Variants in ITM2B observed in about 807,000 individuals in gnomAD.
ITM2B encodes the protein integral membrane protein 2B.
A neutral mutation model predicts 27.8 loss-of-function variants in ITM2B; 11 were observed. The ratio of observed to expected loss-of-function variants is 0.40; its 90% CI spans 0.25 to 0.66. The LOEUF (loss-of-function observed/expected upper bound fraction) is 0.66, where lower values mean the gene tolerates loss of function less well. ITM2B is among the 30% of genes least tolerant of loss of function. The pLI is 0.43. For missense variants in ITM2B, 296 were observed against 328.9 expected (o/e 0.90, Z 0.77); for synonymous variants, 114 against 114.3 (o/e 1.00, Z 0.02).
At chr13:48,238,603 A>G (rs1593387942) in intron 1 of ITM2B, among the ~76,000 whole-genome samples, 1 of 152,224 alleles carries the variant, frequency 6.6e-6, no homozygotes, top group East Asian at 1.9e-4. Flanking sequence ...CAAAAGAGAA[A>G]TAAAATTTTC....
chr13:48,257,687 C>T (rs1484449187), intron 3 of ITM2B, among the ~76,000 whole-genome samples: 1 of 152,178 alleles, frequency 6.6e-6, no homozygotes, highest in African/African-American at 2.4e-5. Context: ...CAGCGTTTCT[C>T]ATTTGAACCA....
chr13:48,243,747 G>C (rs1951711660), intron 1 of ITM2B, among the ~76,000 whole-genome samples: 1 of 152,018 alleles, frequency 6.6e-6, no homozygotes, highest in South Asian at 2.1e-4. Context: ...AGCCCAGGAG[G>C]TTGAGGCTGC....
intron 1 of ITM2B, among the ~76,000 whole-genome samples, chr13:48,243,174 CT>C (rs1346540470): frequency 2.0e-5 from 3 of 152,210 alleles, no homozygotes; most frequent in African/African-American, 7.2e-5. Context: ...CCAAGATTGT[CT>C]CCTTCATGAG....
At chr13:48,250,518 A>T (rs1432903913) in intron 1 of ITM2B, among the ~76,000 whole-genome samples, 5 of 152,062 alleles carry the variant, frequency 3.3e-5, no homozygotes, top group East Asian at 1.9e-4. Flanking sequence ...CTCGGGAGAC[A>T]GAGGCAGAAG....
chr13:48,254,049 C>T, intron 2 of ITM2B, 113 bp downstream of exon 2: 1 of 1,016,248 alleles, frequency 9.8e-7, no homozygotes, highest in Non-Finnish European at 1.5e-6. Flanking sequence ...TATCTGTGAC[C>T]TTCAGCCAGA....
Position 48,239,639 on chromosome 13 carries a change from A to G in ITM2B, c.117+6162A>G, listed in dbSNP as rs1383382063. Among the ~76,000 whole-genome samples the G allele has an allele frequency of 3.9e-5, 6 of 152,350 alleles. No homozygotes were observed. The South Asian group carries it at 1.2e-3, about 32-fold the overall frequency. Reference sequence around the variant, plus strand: ...ACAGCAAGACTCTGTCTCAAAAAACAAAAGAATATTCTTGGTTTTCATTTT... The same window carrying G: ...ACAGCAAGACTCTGTCTCAAAAAACGAAAGAATATTCTTGGTTTTCATTTT... On this transcript the variant is annotated intron_variant, in intron 1 of 5. Coordinates refer to ENST00000647800, the MANE Select transcript of ITM2B (RefSeq NM_021999.5).
At chr13:48,258,585 A>C (rs974689755) in intron 4 of ITM2B, among the ~76,000 whole-genome samples, 5 of 152,202 alleles carry the variant, frequency 3.3e-5, no homozygotes, top group African/African-American at 1.2e-4. Context: ...CTGTAATCCC[A>C]GGACTTTGGG....
chr13:48,251,636 T>C (rs1476133201), intron 1 of ITM2B, among the ~76,000 whole-genome samples: 1 of 152,224 alleles, frequency 6.6e-6, no homozygotes, highest in East Asian at 1.9e-4. Context: ...TGTCTGCCTG[T>C]GCTGTTTGGC....
Position 48,258,919 on chromosome 13 carries a change from C to G in ITM2B, c.687C>G (p.Tyr229Ter). 6.2e-7 allele frequency: 1 copy of G among 1,613,376 alleles called. No individual in the cohort carries two copies. Among genetic ancestry groups the G allele is most frequent in the Non-Finnish European group, 8.5e-7 (1 of 1,179,428 alleles). ...GACTGTGTCATGACAAGGAAACTTA[C>G]AAACTGCAACGCAGAGAAACTATTA... ...IYRLCHDKET[Y>*]KLQRRETIKG... The change falls in exon 5 of 6, where the codon TAC becomes TAG. Residue 229 changes from tyrosine to a stop codon, truncating the protein, a stop_gained. Transcript: ENST00000647800. LOFTEE classifies it high-confidence loss of function.
At chr13:48,252,801 T>TATACTATG (rs1253657150) in intron 1 of ITM2B, among the ~76,000 whole-genome samples, 1 of 152,230 alleles carries the variant, frequency 6.6e-6, no homozygotes, top group African/African-American at 2.4e-5. Context: ...GCTGTTCATG[T>TATACTATG]ATACTATGAA....
intron 1 of ITM2B, among the ~76,000 whole-genome samples, chr13:48,236,351 G>C (rs7999108): frequency 5.3e-5 from 8 of 152,154 alleles, no homozygotes; most frequent in African/African-American, 1.9e-4. Context: ...TATATTTGCA[G>C]ATAACAAAAT....
chr13:48,251,794 AAATT>A (rs566060921), intron 1 of ITM2B, among the ~76,000 whole-genome samples: 243 of 152,192 alleles, frequency 1.6e-3, no homozygotes, highest in African/African-American at 5.5e-3. Context: ...TTCCACTCTA[AAATT>A]AATTATGTTA....
At chr13:48,257,479 C>T (rs1951796671) in intron 3 of ITM2B, among the ~76,000 whole-genome samples, 1 of 152,180 alleles carries the variant, frequency 6.6e-6, no homozygotes, top group Non-Finnish European at 1.5e-5. Flanking sequence ...GCTTTGCAAA[C>T]ATTTCGTGCC....
intron 4 of ITM2B, 33 bp from the exon 5 acceptor site, chr13:48,258,764 A>C: frequency 6.2e-7 from 1 of 1,604,424 alleles, no homozygotes; most frequent in Non-Finnish European, 8.5e-7. Context: ...ATGTTCTGAG[A>C]TAGTCATGTC....
intron 3 of ITM2B, among the ~76,000 whole-genome samples, chr13:48,257,477 A>G (rs193031761): frequency 1.4e-4 from 21 of 152,344 alleles, no homozygotes; most frequent in Admixed American, 5.2e-4. Context: ...TAGCTTTGCA[A>G]ACATTTCGTG....
chr13:48,233,498 A>T, intron 1 of ITM2B, 21 bp downstream of exon 1: 1 of 1,478,054 alleles, frequency 6.8e-7, no homozygotes, highest in South Asian at 1.3e-5. Context: ...GGGGAGGTCG[A>T]GGAAGCGGGT....
intron 1 of ITM2B, among the ~76,000 whole-genome samples, chr13:48,250,229 A>G (rs1188012490): frequency 6.6e-6 from 1 of 152,176 alleles, no homozygotes; most frequent in Admixed American, 6.5e-5. Context: ...TACGTTATGA[A>G]TTATGTTGCA....
Position 48,258,255 on chromosome 13 carries a change from T to C in ITM2B, c.564+19T>C. 8.3e-7 allele frequency: 1 copy of C among 1,199,396 alleles called. No homozygotes were observed. Among genetic ancestry groups the C allele is most frequent in the Non-Finnish European group, 1.2e-6 (1 of 801,936 alleles). The allele number at this position is 1,199,396 out of a possible 1,614,324, so 74.3% of individuals were successfully genotyped here. A position where few individuals can be genotyped will look rare whatever the true frequency, so the allele number is the denominator to read the frequency against. On this transcript the variant is annotated intron_variant, in intron 4 of 5. Transcript: ENST00000647800. The stretch of plus-strand genomic sequence containing the variant: ...CATCAAGGTATAAGAATGTTGACTG[T>C]TTTTGATGAATGATGCCTTCATAGT...
intron 1 of ITM2B, 141 bp downstream of exon 1, chr13:48,233,618 C>T (rs1951649899): frequency 2.0e-6 from 1 of 506,476 alleles, no homozygotes; most frequent in Non-Finnish European, 3.4e-6. Context: ...CCCGGCGCTC[C>T]CGTTTCCTGT....
Sources: allele counts gnomAD v4.1 joint callset (sites outside exome capture counted in the v4.1 genomes callset), GRCh38; gene constraint gnomAD v4.1.1; transcripts MANE v1.5; gene names NCBI Gene and HGNC (gene_info 2026-07-23, HGNC 2026-07-21).